MEI4: variants seen among roughly 807,000 people sequenced by gnomAD.
MEI4 encodes meiotic double-stranded break formation protein 4, also known as meiosis-specific protein MEI4.
In MEI4, 27 loss-of-function variants were observed where a neutral mutation model predicts 31.4. The ratio of observed to expected loss-of-function variants is 0.86; its 90% CI spans 0.63 to 1.19. The LOEUF (loss-of-function observed/expected upper bound fraction) is 1.19. Among genes scored for constraint, MEI4 ranks in the 50% most tolerant of loss-of-function variants. The probability of loss-of-function intolerance (pLI) is 0.00; values close to 1 mark genes in which losing one functional copy is unlikely to be tolerated. For synonymous variants in MEI4, 122 were observed against 145.4 expected (o/e 0.84, Z 1.16); for missense variants, 329 against 398.9 (o/e 0.82, Z 1.49).
At chr6:77,655,494 TTCC>T (rs1407448859) in intron 1 of MEI4, among the ~76,000 whole-genome samples, 1 of 152,202 alleles carries the variant, frequency 6.6e-6, no homozygotes, top group Non-Finnish European at 1.5e-5. Context: ...CTTTTTATAC[TTCC>T]TCCTCTGCTG....
chr6:77,780,707 G>A (rs962896769), intron 3 of MEI4, among the ~76,000 whole-genome samples: 1 of 152,054 alleles, frequency 6.6e-6, no homozygotes, highest in Non-Finnish European at 1.5e-5. Context: ...ACTAAACTAA[G>A]GACCTAGCAC....
At chr6:77,750,372 A>G (rs1767736673) in intron 2 of MEI4, among the ~76,000 whole-genome samples, 1 of 152,190 alleles carries the variant, frequency 6.6e-6, no homozygotes, top group Non-Finnish European at 1.5e-5. Flanking sequence ...TATTCAGGAG[A>G]CCCATCCCAC....
At chr6:77,859,995 A>T (rs533017199) in intron 4 of MEI4, among the ~76,000 whole-genome samples, 6 of 152,194 alleles carry the variant, frequency 3.9e-5, no homozygotes, top group Non-Finnish European at 7.3e-5. Context: ...TATTAAATTC[A>T]TGTGCTTCCA....
intron 2 of MEI4, among the ~76,000 whole-genome samples, chr6:77,707,509 G>C (rs1246323394): frequency 1.3e-5 from 2 of 152,200 alleles, no homozygotes; most frequent in Non-Finnish European, 2.9e-5. Flanking sequence ...CAAGGAAAGA[G>C]CGTTTTCATG....
chr6:77,699,476 G>C (rs897661124), intron 2 of MEI4, among the ~76,000 whole-genome samples: 1 of 152,172 alleles, frequency 6.6e-6, no homozygotes, highest in Admixed American at 6.5e-5. Context: ...ACAGGCGTGA[G>C]CCACCGCGCC....
chr6:77,832,725 G>A (rs1281282086), intron 4 of MEI4, among the ~76,000 whole-genome samples: 2 of 152,006 alleles, frequency 1.3e-5, no homozygotes. Flanking sequence ...AACCCACAAA[G>A]TCTGACTCTA....
intron 2 of MEI4, among the ~76,000 whole-genome samples, chr6:77,726,607 AAGACATTAAACAGAGGGG>A (rs1412400462): frequency 1.3e-5 from 2 of 152,186 alleles, no homozygotes; most frequent in Non-Finnish European, 2.9e-5. Context: ...GGTTTGCCCT[AAGACATTAAACAGAGGGG>A]AGACATTAAA....
At chr6:77,860,901 C>CT (rs1487661384) in intron 4 of MEI4, among the ~76,000 whole-genome samples, 47 of 152,268 alleles carry the variant, frequency 3.1e-4, no homozygotes, top group African/African-American at 1.1e-3. Context: ...CCTCCCATTT[C>CT]TGGCTCAGAG....
At chr6:77,810,254 G>GA (rs1769544172) in intron 3 of MEI4, among the ~76,000 whole-genome samples, 1 of 152,138 alleles carries the variant, frequency 6.6e-6, no homozygotes. Context: ...TGCCAAGTAG[G>GA]AAAAATCTGT....
At chr6:77,699,356 AT>A (rs1163213704) in intron 2 of MEI4, among the ~76,000 whole-genome samples, 1 of 149,608 alleles carries the variant, frequency 6.7e-6, no homozygotes, top group Non-Finnish European at 1.5e-5. Flanking sequence ...CGCCCGGCTA[AT>A]TTTTTTTTGT....
chr6:77,673,130 A>G (rs908897543), intron 1 of MEI4, among the ~76,000 whole-genome samples: 3 of 152,264 alleles, frequency 2.0e-5, no homozygotes, highest in Admixed American at 2.0e-4. Context: ...GGTGTCAAGG[A>G]AGACATTGAT....
At chr6:77,699,261 C>T (rs1766144284) in intron 2 of MEI4, among the ~76,000 whole-genome samples, 1 of 145,406 alleles carries the variant, frequency 6.9e-6, no homozygotes, top group Admixed American at 7.1e-5. Context: ...GGGATCTCGG[C>T]TCACTGCAAG....
At position 77,761,664 on chromosome 6, in the gene MEI4, A is replaced by T; in HGVS notation, c.767A>T (p.Gln256Leu). Residue 256 changes from glutamine to leucine, a missense_variant and splice_region_variant, in exon 3 of 5, where the codon CAG (glutamine) becomes CTG (leucine). Physicochemically the swap from Gln to Leu is moderately radical, Grantham distance 113. Coordinates refer to ENST00000684080, the MANE Select transcript of MEI4 (RefSeq NM_001322247.2). The part of the protein sequence containing the change: ...HAILGNNHIN[Q>L]FQVQHYVSQS... ...ATTTTAGGAAACAATCATATAAATC[A>T]GGTGAGTAATAAATCCCTCTTTTAT... 1 of 1,229,810 alleles carries T rather than the reference A, an allele frequency of 8.1e-7. No individual in the cohort carries two copies. The highest frequency in any genetic ancestry group is 1.0e-6 in the Non-Finnish European group (1 of 985,978). 76.2% of individuals were successfully genotyped at this position (1,229,810 alleles called of 1,614,324 possible). A position where few individuals can be genotyped will look rare whatever the true frequency, so the allele number is the denominator to read the frequency against.
intron 1 of MEI4, among the ~76,000 whole-genome samples, chr6:77,674,802 C>G (rs1427315477): frequency 6.6e-6 from 1 of 152,106 alleles, no homozygotes; most frequent in Non-Finnish European, 1.5e-5. Flanking sequence ...ACTGCAACTC[C>G]TCCTTCACCT....
At chr6:77,781,978 G>C (rs1360159964) in intron 3 of MEI4, among the ~76,000 whole-genome samples, 1 of 152,128 alleles carries the variant, frequency 6.6e-6, no homozygotes, top group East Asian at 1.9e-4. Flanking sequence ...TGCATGGATT[G>C]TGTGCTTTTT....
chr6:77,759,815 G>A (rs1229934952), intron 2 of MEI4, among the ~76,000 whole-genome samples: 5 of 151,900 alleles, frequency 3.3e-5, no homozygotes, highest in Non-Finnish European at 5.9e-5. Flanking sequence ...TATTATGTTC[G>A]CCTCAAATAA....
chr6:77,841,718 A>G (rs1360715992), intron 4 of MEI4, among the ~76,000 whole-genome samples: 1 of 152,176 alleles, frequency 6.6e-6, no homozygotes, highest in African/African-American at 2.4e-5. Flanking sequence ...GGAAGCTAAT[A>G]AGCATTTTAA....
chr6:77,842,113 C>CA (rs1158912560), intron 4 of MEI4, among the ~76,000 whole-genome samples: 1 of 152,120 alleles, frequency 6.6e-6, no homozygotes, highest in African/African-American at 2.4e-5. Flanking sequence ...ACACTTCACC[C>CA]AATAACAGCC....
intron 2 of MEI4, among the ~76,000 whole-genome samples, chr6:77,708,958 C>G (rs1766394115): frequency 6.6e-6 from 1 of 152,154 alleles, no homozygotes; most frequent in African/African-American, 2.4e-5. Context: ...TTATTTATAG[C>G]AACGTAAACA....
Sources: allele counts gnomAD v4.1 joint callset (sites outside exome capture counted in the v4.1 genomes callset), GRCh38; gene constraint gnomAD v4.1.1; transcripts MANE v1.5; gene names NCBI Gene and HGNC (gene_info 2026-07-23, HGNC 2026-07-21).